ADGRG4: variants seen among roughly 807,000 people sequenced by gnomAD.
ADGRG4 encodes adhesion G protein-coupled receptor G4.
Under a neutral mutation model 126.2 loss-of-function variants are expected in ADGRG4, and 122 were observed. That is an observed-to-expected ratio of 0.97 (90% confidence interval 0.83 to 1.12). The LOEUF is 1.12. ADGRG4 is among the 50% of genes most tolerant of loss of function. The probability of loss-of-function intolerance (pLI) is 0.00; values close to 1 mark genes in which losing one functional copy is unlikely to be tolerated. For missense variants in ADGRG4, 2,481 were observed against 2,251.8 expected, an observed-to-expected ratio of 1.10 and a Z score of -2.06; for synonymous variants, 943 against 838.7, an observed-to-expected ratio of 1.12 and a Z score of -2.15.
chrX:136,393,494 T>C, intron 17 of ADGRG4, 41 bp from the exon 18 acceptor site: 1 of 1,111,345 alleles, frequency 9.0e-7, no homozygotes. Flanking sequence ...ATGGTAAATA[T>C]CACAAGGCAA....
chrX:136,405,565 T>C, intron 22 of ADGRG4, 127 bp from the exon 23 acceptor site: 1 of 456,880 alleles, frequency 2.2e-6, no homozygotes, highest in Non-Finnish European at 3.4e-6. Context: ...GAGTGAACTC[T>C]GTCCAGTTCA....
intron 15 of ADGRG4, among the ~76,000 whole-genome samples, chrX:136,379,378 G>A (rs2075245994): frequency 9.0e-6 from 1 of 110,523 alleles, no homozygotes; most frequent in Non-Finnish European, 1.9e-5. Context: ...CCCACAGGTG[G>A]TCTCTGTCTG....
chrX:136,380,165 C>CAA (rs530503038), intron 15 of ADGRG4, among the ~76,000 whole-genome samples: 67 of 50,001 alleles, frequency 1.3e-3, no homozygotes, highest in African/African-American at 3.1e-3. Flanking sequence ...AAGCTGTTAC[C>CAA]AAAAAAAAAA....
intron 5 of ADGRG4, among the ~76,000 whole-genome samples, chrX:136,339,237 C>T (rs1384652681): frequency 1.8e-5 from 2 of 111,670 alleles, no homozygotes; most frequent in African/African-American, 6.5e-5. Flanking sequence ...AATCTCAGTA[C>T]TGCAGGGACA....
chrX:136,352,288 G>A (rs1038267348), intron 7 of ADGRG4, among the ~76,000 whole-genome samples: 2 of 110,983 alleles, frequency 1.8e-5, no homozygotes, highest in Non-Finnish European at 3.8e-5. Flanking sequence ...AGATGCATAG[G>A]GTTTCACTAC....
intron 5 of ADGRG4, among the ~76,000 whole-genome samples, chrX:136,330,723 G>A (rs1388933966): frequency 9.0e-6 from 1 of 111,104 alleles, no homozygotes; most frequent in African/African-American, 3.3e-5. Context: ...GTACATATTA[G>A]GTGTACATAT....
intron 21 of ADGRG4, among the ~76,000 whole-genome samples, chrX:136,401,913 G>A (rs2075381400): frequency 1.8e-5 from 2 of 111,668 alleles, no homozygotes; most frequent in Admixed American, 9.5e-5. Flanking sequence ...AGATGGCCCC[G>A]GAGCACCTCC....
chrX:136,389,976 G>A (rs1170078864), intron 16 of ADGRG4, among the ~76,000 whole-genome samples: 1 of 111,949 alleles, frequency 8.9e-6, no homozygotes, highest in African/African-American at 3.2e-5. Flanking sequence ...CCTTGCTTTC[G>A]CACTACTTTC....
chrX:136,356,180 A>G lies in ADGRG4; in HGVS notation c.6927+15A>G. Reference sequence around the variant, plus strand: ...ATCGAGCTATTGTAAGTAATTTTTCAAAATGAATCTACTTGTGACCTATCC... The same window carrying G: ...ATCGAGCTATTGTAAGTAATTTTTCGAAATGAATCTACTTGTGACCTATCC... On this transcript the variant is annotated intron_variant, in intron 9 of 25. Transcript: ENST00000394143. 1.8e-6 allele frequency: 2 copies of G among 1,127,791 alleles called. No homozygotes were observed. Among genetic ancestry groups the G allele is most frequent in the Non-Finnish European group, 2.4e-6 (2 of 824,151 alleles). 92.9% of individuals were successfully genotyped at this position (1,127,791 alleles called of 1,213,427 possible). A position where few individuals can be genotyped will look rare whatever the true frequency, so the allele number is the denominator to read the frequency against.
At chrX:136,412,771 A>C (rs189781918) in intron 24 of ADGRG4, among the ~76,000 whole-genome samples, 2 of 112,286 alleles carry the variant, frequency 1.8e-5, no homozygotes. Flanking sequence ...ACTTATAAAC[A>C]TTCCTAAGAT....
At chrX:136,364,013 G>A (rs1470071232) in intron 13 of ADGRG4, among the ~76,000 whole-genome samples, 1 of 110,124 alleles carries the variant, frequency 9.1e-6, no homozygotes, top group African/African-American at 3.3e-5. Context: ...GTTTCACCAT[G>A]TTGGCCAGGC....
At chrX:136,392,054 G>A (rs2075322356) in intron 16 of ADGRG4, among the ~76,000 whole-genome samples, 178 bp from the exon 17 acceptor site, 1 of 112,378 alleles carries the variant, frequency 8.9e-6, no homozygotes, top group African/African-American at 3.2e-5. Flanking sequence ...TTGGTATAAT[G>A]GAGACCTTAT....
chrX:136,416,743 C>A lies in ADGRG4; in HGVS notation c.*252C>A. On this transcript the variant is annotated 3_prime_UTR_variant, in exon 26 of 26. Coordinates refer to ENST00000394143, the MANE Select transcript of ADGRG4 (RefSeq NM_153834.4). ...ACAAACAGAATTTTTCAATAAATCC[C>A]AGTAGAGATACTTGCCTCCTCCCAA... The A allele has an allele frequency of 8.0e-6, 2 of 251,412 alleles. No homozygotes were observed. The highest frequency in any genetic ancestry group is 7.0e-6 in the Non-Finnish European group (1 of 143,520). 20.7% of individuals were successfully genotyped at this position (251,412 alleles called of 1,213,427 possible).
chrX:136,374,154 A>T (rs2075211429), intron 15 of ADGRG4, among the ~76,000 whole-genome samples: 1 of 37,720 alleles, frequency 2.7e-5, no homozygotes, highest in Non-Finnish European at 4.5e-5. Flanking sequence ...GGCTTCTTTC[A>T]TGTAGCATAA....
intron 7 of ADGRG4, among the ~76,000 whole-genome samples, chrX:136,351,946 A>T (rs1478772729): frequency 2.7e-5 from 3 of 111,013 alleles, no homozygotes; most frequent in Non-Finnish European, 5.7e-5. Context: ...TCTTTTTCCA[A>T]CACAATGAAT....
At chrX:136,327,129 A>G (rs1475406283) in intron 5 of ADGRG4, among the ~76,000 whole-genome samples, 1 of 111,834 alleles carries the variant, frequency 8.9e-6, no homozygotes, top group African/African-American at 3.2e-5. Context: ...TGTGTTTGTG[A>G]ATAAAATATA....
intron 4 of ADGRG4, among the ~76,000 whole-genome samples, chrX:136,320,053 C>T (rs898986769): frequency 1.1e-4 from 12 of 111,572 alleles, no homozygotes; most frequent in Non-Finnish European, 2.1e-4. Flanking sequence ...AATACTGCAC[C>T]TGCACTTAAT....
rs1406132534 is a variant in ADGRG4 at position 136,347,861 on chromosome X, C to T, written c.4155C>T (p.Ala1385=). 8.3e-7 allele frequency: 1 copy of T among 1,210,058 alleles called. No individual in the cohort carries two copies. The highest frequency in any genetic ancestry group is 2.2e-5 in the Admixed American group (1 of 45,989). The part of the protein sequence containing the change: ...FLCPEKESTS[A]LPAYTPRTVE... ...GTCCTGAAAAGGAAAGCACGAGTGC[C>T]CTTCCAGCATATACTCCCAGGACTG... The change falls in exon 6 of 26, where the codon GCC becomes GCT. Residue 1385 remains alanine, a synonymous_variant. Transcript: ENST00000394143.
At chrX:136,339,872 T>C (rs1210033189) in intron 5 of ADGRG4, among the ~76,000 whole-genome samples, 2 of 111,998 alleles carry the variant, frequency 1.8e-5, no homozygotes, top group Admixed American at 9.5e-5. Flanking sequence ...AGCTCTTGAG[T>C]GTGTATGCGT....
Sources: allele counts gnomAD v4.1 joint callset (sites outside exome capture counted in the v4.1 genomes callset), GRCh38; gene constraint gnomAD v4.1.1; transcripts MANE v1.5; gene names NCBI Gene and HGNC (gene_info 2026-07-23, HGNC 2026-07-21).